The following LRP2BP variants were observed in gnomAD, a reference collection of about 807,000 sequenced individuals.
The protein encoded by LRP2BP is LRP2 binding protein, also known as LRP2-binding protein.
In LRP2BP, 38 loss-of-function variants were observed where a neutral mutation model predicts 45.2. The observed-to-expected ratio is 0.84, with a 90% confidence interval of 0.65 to 1.10. LRP2BP has a LOEUF of 1.10. Ranked by LOEUF, LRP2BP falls within the 50% of genes least tolerant of loss-of-function variation. The probability of loss-of-function intolerance (pLI) is 0.00; values close to 1 mark genes in which losing one functional copy is unlikely to be tolerated. For synonymous variants in LRP2BP, 153 were observed against 153.9 expected, an observed-to-expected ratio of 0.99 and a Z score of 0.04; for missense variants, 385 against 418.9, an observed-to-expected ratio of 0.92 and a Z score of 0.71.
intron 6 of LRP2BP, 45 bp downstream of exon 6, chr4:185,374,090 A>G (rs2095425130): frequency 6.7e-7 from 1 of 1,492,190 alleles, no homozygotes; most frequent in South Asian, 1.2e-5. Flanking sequence ...TGAAACAAAT[A>G]TTAATCTAAA....
upstream of LRP2BP, chr4:185,396,050 T>G: frequency 7.1e-6 from 2 of 281,176 alleles, no homozygotes; most frequent in Non-Finnish European, 1.1e-5. Context: ...CGGGTCCGAA[T>G]CGCACGCGGC....
chr4:185,396,921 G>A, upstream of LRP2BP: 3 of 1,613,566 alleles, frequency 1.9e-6, no homozygotes, highest in Non-Finnish European at 2.5e-6. Context: ...CCTTAGGCGG[G>A]AAATGCTGTT....
At chr4:185,378,039 T>TA in intron 2 of LRP2BP, 42 bp downstream of exon 2, 17 of 1,494,752 alleles carry the variant, frequency 1.1e-5, no homozygotes, top group Non-Finnish European at 1.6e-5. Flanking sequence ...AATGAACTGT[T>TA]AAAGTGTTTT....
chr4:185,368,790 G>GTT (rs1199659402), intron 8 of LRP2BP, among the ~76,000 whole-genome samples: 3 of 137,280 alleles, frequency 2.2e-5, no homozygotes, highest in South Asian at 2.3e-4. Flanking sequence ...ATTGGAATCT[G>GTT]TTTTGTTTTT....
At chr4:185,383,410 T>G (rs2126825846) in intron 1 of LRP2BP, among the ~76,000 whole-genome samples, 1 of 152,226 alleles carries the variant, frequency 6.6e-6, no homozygotes, top group African/African-American at 2.4e-5. Flanking sequence ...AGCCCTGGAG[T>G]TTGAGGCTGC....
intron 1 of LRP2BP, among the ~76,000 whole-genome samples, chr4:185,393,191 A>G (rs138419747): frequency 6.6e-6 from 1 of 152,264 alleles, no homozygotes; most frequent in East Asian, 1.9e-4. Context: ...TCAGCCTCCC[A>G]AAGTGTTGGG....
Position 185,374,324 on chromosome 4 carries a change from A to G in LRP2BP, c.468T>C (p.Ala156=), listed in dbSNP as rs1183279878. The change falls in exon 5 of 9, where the codon GCT becomes GCC. Residue 156 remains alanine, a synonymous_variant. Transcript: ENST00000505916. ...GKGVKRSNEE[A]ERLWLIAADN... Reference sequence around the variant, plus strand: ...TTGTTCTCAGGTAGGATTACCTTTCAGCTTCCTCATTTGATCGTTTAACAC... The same window carrying G: ...TTGTTCTCAGGTAGGATTACCTTTCGGCTTCCTCATTTGATCGTTTAACAC... 2 of 1,613,928 alleles carry G rather than the reference A, an allele frequency of 1.2e-6. No individual in the cohort carries two copies. Among genetic ancestry groups the G allele is most frequent in the Non-Finnish European group, 1.7e-6 (2 of 1,180,004 alleles).
intron 7 of LRP2BP, among the ~76,000 whole-genome samples, chr4:185,371,344 C>A (rs1207590939): frequency 6.6e-6 from 1 of 151,966 alleles, no homozygotes; most frequent in African/African-American, 2.4e-5. Context: ...TTGAGACCAT[C>A]CTGGCTAACA....
intron 8 of LRP2BP, among the ~76,000 whole-genome samples, chr4:185,368,278 GA>G (rs1416844841): frequency 6.6e-6 from 1 of 152,198 alleles, no homozygotes; most frequent in East Asian, 1.9e-4. Context: ...TGGTTTCACA[GA>G]AACCTAACAC....
chr4:185,384,677 C>A (rs1273948855), intron 1 of LRP2BP, among the ~76,000 whole-genome samples: 1 of 151,108 alleles, frequency 6.6e-6, no homozygotes, highest in African/African-American at 2.4e-5. Flanking sequence ...GCCTCCCCGG[C>A]AAACCCTCAA....
chr4:185,391,827 G>A (rs1288608173), intron 1 of LRP2BP, among the ~76,000 whole-genome samples: 1 of 152,188 alleles, frequency 6.6e-6, no homozygotes, highest in Non-Finnish European at 1.5e-5. Flanking sequence ...TACTGGGTGT[G>A]TTCATTGTTA....
At chr4:185,391,376 G>A (rs2095487946) in intron 1 of LRP2BP, among the ~76,000 whole-genome samples, 2 of 152,194 alleles carry the variant, frequency 1.3e-5, no homozygotes, top group African/African-American at 2.4e-5. Flanking sequence ...CTTTTTGGAA[G>A]CAAGTCATTA....
chr4:185,372,992 T>C lies in LRP2BP; in HGVS notation c.667A>G (p.Ile223Val). ...AGGGCAGCTTCCGTATCCTGCCGGA[T>C]GCCTTGTCCATACAAGTACATGAGC... ...LGLMYLYGQGIRQDTEAALQC... is the reference protein window; with the variant it reads ...LGLMYLYGQGVRQDTEAALQC... The change falls in exon 7 of 9, where the codon ATC (isoleucine) becomes GTC (valine). Residue 223 changes from isoleucine (I) to valine (V), a missense_variant. Coordinates refer to ENST00000505916, the MANE Select transcript of LRP2BP (RefSeq NM_001377440.1). 6.2e-7 allele frequency: 1 copy of C among 1,614,054 alleles called. No homozygotes were observed. Among genetic ancestry groups the C allele is most frequent in the Non-Finnish European group, 8.5e-7 (1 of 1,179,884 alleles).
intron 1 of LRP2BP, among the ~76,000 whole-genome samples, chr4:185,387,040 G>A (rs1430577148): frequency 6.6e-6 from 1 of 152,194 alleles, no homozygotes; most frequent in Non-Finnish European, 1.5e-5. Flanking sequence ...GAGGTTAGGA[G>A]TTCGAGACCA....
rs895510765 is a variant in LRP2BP, at chr4:185,395,407, G to A, written c.-650C>T. On this transcript the variant is annotated 5_prime_UTR_variant, in exon 1 of 9. Coordinates refer to ENST00000505916, the MANE Select transcript of LRP2BP (RefSeq NM_001377440.1). ...AAATGAACTTCTGTGCAAACCTGAA[G>A]CTTCAACACGTGTTTTAAAAAGCAG... 6.0e-5 allele frequency: 59 copies of A among 985,372 alleles called. No individual in the cohort carries two copies. The highest frequency in any genetic ancestry group is 1.1e-4 in the East Asian group (1 of 8,812). The allele number at this position is 985,372 out of a possible 1,614,324, so 61.0% of individuals were successfully genotyped here.
upstream of LRP2BP, chr4:185,396,430 G>A (rs1380939531): frequency 6.4e-6 from 1 of 155,516 alleles, no homozygotes; most frequent in African/African-American, 2.4e-5. Context: ...TCTCCGTAAG[G>A]ATTAAAGGGC....
At chr4:185,385,294 T>C (rs2095467891) in intron 1 of LRP2BP, among the ~76,000 whole-genome samples, 1 of 152,082 alleles carries the variant, frequency 6.6e-6, no homozygotes, top group African/African-American at 2.4e-5. Flanking sequence ...CAGTTATAAA[T>C]ACACTCCGGG....
In LRP2BP at chr4:185,374,341, G is replaced by C; in HGVS notation, c.451C>G (p.Arg151Gly). The C allele has an allele frequency of 6.8e-6, 11 of 1,613,984 alleles. No homozygotes were observed. Among genetic ancestry groups the C allele is most frequent in the Non-Finnish European group, 9.3e-6 (11 of 1,179,990 alleles). Residue 151 changes from arginine to glycine, a missense_variant, in exon 5 of 9, where the codon CGA becomes GGA. Transcript: ENST00000505916. ...TACCTTTCAGCTTCCTCATTTGATC[G>C]TTTAACACCTTTTCCTTCATAATAA... ...RAYYEGKGVKRSNEEAERLWL... is the reference protein window; with the variant it reads ...RAYYEGKGVKGSNEEAERLWL...
At chr4:185,367,296 C>T (rs1579959012) in intron 8 of LRP2BP, 51 bp from the exon 9 acceptor site, 18 of 1,373,376 alleles carry the variant, frequency 1.3e-5, no homozygotes, top group East Asian at 1.2e-4. Context: ...TTGTTTGGGT[C>T]TTTCTTCTTT....
Sources: gnomAD v4.1 joint callset for allele counts (sites outside exome capture counted in the v4.1 genomes callset) on GRCh38, gnomAD v4.1.1 for gene constraint, MANE v1.5 for transcripts, NCBI Gene and HGNC (gene_info 2026-07-23, HGNC 2026-07-21) for gene names.